The following COL19A1 variants were observed in gnomAD, a reference collection of about 807,000 sequenced individuals.
COL19A1 encodes collagen type XIX alpha 1 chain.
Under a neutral mutation model 190.2 loss-of-function variants are expected in COL19A1, and 159 were observed. The ratio of observed to expected loss-of-function variants is 0.84; its 90% CI spans 0.73 to 0.95. The LOEUF (loss-of-function observed/expected upper bound fraction) is 0.95. Among genes scored for constraint, COL19A1 ranks in the 40% least tolerant of loss-of-function variants. COL19A1 has a pLI of 0.00. For synonymous variants in COL19A1, 509 were observed against 458.9 expected (o/e 1.11, Z -1.39); for missense variants, 1,418 against 1,431.9 (o/e 0.99, Z 0.16).
intron 11 of COL19A1, among the ~76,000 whole-genome samples, chr6:69,983,086 G>A (rs545463321): frequency 6.6e-6 from 1 of 151,844 alleles, no homozygotes; most frequent in South Asian, 2.1e-4. Flanking sequence ...GATTTTGAAT[G>A]AATTTTCTTT....
At chr6:69,903,270 A>G (rs1261502004) in intron 4 of COL19A1, among the ~76,000 whole-genome samples, 1 of 152,204 alleles carries the variant, frequency 6.6e-6, no homozygotes, top group South Asian at 2.1e-4. Flanking sequence ...GGCTAGACCT[A>G]TCTGTATACC....
intron 9 of COL19A1, among the ~76,000 whole-genome samples, chr6:69,942,888 C>T (rs1773564815): frequency 6.6e-6 from 1 of 151,982 alleles, no homozygotes; most frequent in Admixed American, 6.6e-5. Context: ...TTTCACCATA[C>T]TTATTTCCTT....
At chr6:70,159,109 A>G (rs181048083) in intron 34 of COL19A1, among the ~76,000 whole-genome samples, 3 of 151,842 alleles carry the variant, frequency 2.0e-5, no homozygotes, top group South Asian at 2.1e-4. Flanking sequence ...AACTCACTCA[A>G]CATCTCTGGA....
intron 42 of COL19A1, among the ~76,000 whole-genome samples, chr6:70,178,050 C>A (rs12192237): frequency 0.15 from 23,435 of 152,154 alleles, 2,285 homozygotes; most frequent in Non-Finnish European, 0.22. Context: ...TGTCTAAGAT[C>A]TGATATATTT....
At chr6:70,117,791 G>A (rs566076020) in intron 16 of COL19A1, among the ~76,000 whole-genome samples, 16 of 152,278 alleles carry the variant, frequency 1.1e-4, no homozygotes, top group Non-Finnish European at 1.8e-4. Flanking sequence ...GCAAATCTCC[G>A]TAAAAAACAG....
chr6:70,056,110 C>T (rs1279006688), intron 14 of COL19A1, among the ~76,000 whole-genome samples: 1 of 151,934 alleles, frequency 6.6e-6, no homozygotes, highest in Non-Finnish European at 1.5e-5. Flanking sequence ...GCTTGTTTTC[C>T]TTGTCATCTC....
intron 14 of COL19A1, among the ~76,000 whole-genome samples, chr6:70,057,646 A>C (rs945433160): frequency 4.6e-5 from 7 of 152,092 alleles, no homozygotes; most frequent in Non-Finnish European, 7.4e-5. Flanking sequence ...AATGTGAGAT[A>C]AATTAAGGAA....
intron 4 of COL19A1, among the ~76,000 whole-genome samples, chr6:69,908,703 A>C (rs1348815548): frequency 6.6e-6 from 1 of 152,168 alleles, no homozygotes. Flanking sequence ...ATTTGATGTT[A>C]TCATTATCAA....
intron 48 of COL19A1, among the ~76,000 whole-genome samples, chr6:70,198,729 T>G (rs1470257133): frequency 6.6e-6 from 1 of 152,248 alleles, no homozygotes; most frequent in Non-Finnish European, 1.5e-5. Flanking sequence ...CAAACTTTAG[T>G]GGCTTAAAAC....
At chr6:70,128,657 G>T (rs1018172914) in intron 17 of COL19A1, among the ~76,000 whole-genome samples, 12 of 152,174 alleles carry the variant, frequency 7.9e-5, no homozygotes, top group African/African-American at 2.7e-4. Flanking sequence ...AGTTAAACAG[G>T]CAAGGAAGAC....
At chr6:70,043,648 GA>G (rs1779751296) in intron 14 of COL19A1, among the ~76,000 whole-genome samples, 2 of 152,192 alleles carry the variant, frequency 1.3e-5, no homozygotes, top group African/African-American at 4.8e-5. Context: ...CGTTGTCAAT[GA>G]GCAGGAATAT....
At chr6:70,025,126 G>A (rs1303482647) in intron 12 of COL19A1, among the ~76,000 whole-genome samples, 3 of 151,762 alleles carry the variant, frequency 2.0e-5, no homozygotes, top group African/African-American at 7.3e-5. Context: ...CGCCTCCTGG[G>A]TTCACGCCAT....
At chr6:69,990,389 A>G (rs939977111) in intron 11 of COL19A1, among the ~76,000 whole-genome samples, 1 of 152,086 alleles carries the variant, frequency 6.6e-6, no homozygotes, top group Non-Finnish European at 1.5e-5. Context: ...TTAAGTAGTC[A>G]TTTGGTGTTC....
chr6:70,033,061 AAAT>A (rs769026295), intron 12 of COL19A1, among the ~76,000 whole-genome samples: 20 of 152,314 alleles, frequency 1.3e-4, no homozygotes, highest in Non-Finnish European at 2.5e-4. Flanking sequence ...ATGATGGAAA[AAAT>A]AATAACTATG....
chr6:70,121,904 C>T lies in COL19A1; in HGVS notation c.1303C>T (p.His435Tyr), dbSNP rs1784903870. Residue 435 changes from histidine (H) to tyrosine (Y), a missense_variant, in exon 17 of 51, where the codon CAC (histidine) becomes TAC (tyrosine). His to Tyr is a moderately conservative substitution (Grantham distance 83). Coordinates refer to ENST00000620364, the MANE Select transcript of COL19A1 (RefSeq NM_001858.6). ...PPGPPGIQGI[H>Y]QTLGGYYNKD... ...GGGACCTCCTGGAATACAAGGAATACACCAAACTCTTGGTGGATATTATAA... is the reference window on the plus strand; with the variant it reads ...GGGACCTCCTGGAATACAAGGAATATACCAAACTCTTGGTGGATATTATAA... 1 of 1,589,810 alleles carries T rather than the reference C, an allele frequency of 6.3e-7. No homozygotes were observed. The highest frequency in any genetic ancestry group is 1.2e-5 in the South Asian group (1 of 85,274).
chr6:70,159,371 C>A (rs1001052366), intron 34 of COL19A1, among the ~76,000 whole-genome samples: 1 of 151,598 alleles, frequency 6.6e-6, no homozygotes, highest in African/African-American at 2.4e-5. Flanking sequence ...TACCACATAC[C>A]GATATGTAGA....
chr6:70,207,757 T>C lies in COL19A1; in HGVS notation c.*483T>C, dbSNP rs1040627647. On this transcript the variant is annotated 3_prime_UTR_variant, in exon 51 of 51. Transcript: ENST00000620364. ...TATAGTGCATTGCTCCTGTTGAATG[T>C]TTTTTGACTACTTTTTATAACTTAA... 3 of 152,210 alleles carry C rather than the reference T, an allele frequency of 2.0e-5. No individual in the cohort carries two copies. Among genetic ancestry groups the C allele is most frequent in the Admixed American group, 6.5e-5 (1 of 15,278 alleles). The allele number at this position is 152,210 out of a possible 1,614,324, so 9.4% of individuals were successfully genotyped here.
At chr6:69,945,684 G>T (rs190908524) in intron 9 of COL19A1, among the ~76,000 whole-genome samples, 56 of 151,756 alleles carry the variant, frequency 3.7e-4, no homozygotes, top group Middle Eastern at 3.4e-3. Flanking sequence ...TTTTGGATCA[G>T]TTTTACCCAA....
chr6:70,116,144 T>C (rs534589415), intron 16 of COL19A1, among the ~76,000 whole-genome samples: 15 of 152,310 alleles, frequency 9.8e-5, no homozygotes, highest in Non-Finnish European at 1.9e-4. Context: ...CATGAGCTCT[T>C]TTCTACTTAA....
Sources: allele counts gnomAD v4.1 joint callset (sites outside exome capture counted in the v4.1 genomes callset), GRCh38; gene constraint gnomAD v4.1.1; transcripts MANE v1.5; gene names NCBI Gene and HGNC (gene_info 2026-07-23, HGNC 2026-07-21).